Variants in FRAS1 observed in about 807,000 individuals in gnomAD.
FRAS1 encodes the protein Fraser extracellular matrix complex subunit 1.
FRAS1 carries 290 observed loss-of-function variants against 435.2 expected under a neutral mutation model. The observed-to-expected ratio is 0.67, with a 90% CI of 0.61 to 0.73. FRAS1 has a LOEUF of 0.73. Among genes scored for constraint, FRAS1 ranks in the 30% least tolerant of loss-of-function variants. The probability of loss-of-function intolerance (pLI) is 0.00; values close to 1 mark genes in which losing one functional copy is unlikely to be tolerated. For missense variants in FRAS1, 4,860 were observed against 5,001.5 expected (o/e 0.97, Z 0.85); for synonymous variants, 1,800 against 1,851.0 (o/e 0.97, Z 0.71).
At chr4:78,099,667 C>G (rs377553723) in intron 2 of FRAS1, among the ~76,000 whole-genome samples, 4 of 152,154 alleles carry the variant, frequency 2.6e-5, no homozygotes, top group African/African-American at 4.8e-5. Flanking sequence ...AGGTCACATA[C>G]AGTGAGAACA....
chr4:78,224,551 G>C (rs1724190619), intron 2 of FRAS1, among the ~76,000 whole-genome samples: 1 of 151,952 alleles, frequency 6.6e-6, no homozygotes, highest in African/African-American at 2.4e-5. Context: ...TTTGTTTTTT[G>C]AGGCAGAGTC....
intron 9 of FRAS1, among the ~76,000 whole-genome samples, chr4:78,277,148 G>A (rs1727086171): frequency 6.6e-6 from 1 of 152,196 alleles, no homozygotes; most frequent in South Asian, 2.1e-4. Context: ...TGTGCCATTT[G>A]CTAAGACCAT....
chr4:78,101,341 T>C (rs1742119913), intron 2 of FRAS1, among the ~76,000 whole-genome samples: 1 of 152,226 alleles, frequency 6.6e-6, no homozygotes, highest in African/African-American at 2.4e-5. Context: ...TGTTTTTCTT[T>C]ATTTTTTTCA....
chr4:78,506,666 C>G (rs957057855), intron 61 of FRAS1, among the ~76,000 whole-genome samples: 2 of 152,146 alleles, frequency 1.3e-5, no homozygotes, highest in African/African-American at 4.8e-5. Flanking sequence ...CACGGCTTCC[C>G]TTGGCTAGGA....
At chr4:78,346,538 A>G (rs964896554) in intron 20 of FRAS1, among the ~76,000 whole-genome samples, 1 of 152,136 alleles carries the variant, frequency 6.6e-6, no homozygotes, top group Admixed American at 6.5e-5. Flanking sequence ...TCTAGTTTCC[A>G]TAAGACCCTC....
intron 22 of FRAS1, among the ~76,000 whole-genome samples, chr4:78,366,162 T>G (rs1731260014): frequency 1.3e-5 from 2 of 152,138 alleles, no homozygotes. Flanking sequence ...ATAGGAATCT[T>G]TCGAGAGGAT....
intron 14 of FRAS1, among the ~76,000 whole-genome samples, chr4:78,307,637 C>A (rs1251984470): frequency 6.6e-6 from 1 of 152,266 alleles, no homozygotes; most frequent in African/African-American, 2.4e-5. Flanking sequence ...GTCTGTCACC[C>A]CTGTCTTTCA....
chr4:78,430,267 CCA>C, intron 36 of FRAS1, 23 bp from the exon 37 acceptor site: 1 of 1,613,586 alleles, frequency 6.2e-7, no homozygotes, highest in Non-Finnish European at 8.5e-7. Context: ...TTCTCTCTCA[CCA>C]CGCTTCCTTC....
intron 20 of FRAS1, among the ~76,000 whole-genome samples, chr4:78,341,843 C>T (rs1007163660): frequency 6.6e-6 from 1 of 152,142 alleles, no homozygotes; most frequent in Non-Finnish European, 1.5e-5. Context: ...CCCAGAGTGT[C>T]TCTCCAGCAG....
chr4:78,327,614 A>G (rs1729771666), intron 18 of FRAS1, among the ~76,000 whole-genome samples: 1 of 152,232 alleles, frequency 6.6e-6, no homozygotes, highest in Non-Finnish European at 1.5e-5. Context: ...ATGCTTTTTC[A>G]GAAATATATG....
intron 44 of FRAS1, among the ~76,000 whole-genome samples, chr4:78,449,307 A>C (rs1416291433): frequency 1.3e-5 from 2 of 152,024 alleles, no homozygotes; most frequent in African/African-American, 2.4e-5. Context: ...GAGCTTGGGG[A>C]ATTCTCCATG....
chr4:78,128,763 A>G (rs1318583347), intron 2 of FRAS1, among the ~76,000 whole-genome samples: 11 of 151,972 alleles, frequency 7.2e-5, no homozygotes. Context: ...GTTTAATGAG[A>G]TCCCATTTGT....
At chr4:78,456,301 C>T (rs976686920) in intron 47 of FRAS1, among the ~76,000 whole-genome samples, 1 of 152,008 alleles carries the variant, frequency 6.6e-6, no homozygotes, top group African/African-American at 2.4e-5. Flanking sequence ...CACCCCCACA[C>T]CTGGCTCAAT....
chr4:78,238,907 A>G (rs576097104), intron 3 of FRAS1, among the ~76,000 whole-genome samples: 76 of 152,224 alleles, frequency 5.0e-4, no homozygotes, highest in Non-Finnish European at 9.3e-4. Flanking sequence ...TGTGCAGCTT[A>G]TGATCTAAGA....
chr4:78,120,458 A>T (rs979022500), intron 2 of FRAS1, among the ~76,000 whole-genome samples: 2 of 152,212 alleles, frequency 1.3e-5, no homozygotes, highest in Non-Finnish European at 2.9e-5. Flanking sequence ...GCTCTAGCAA[A>T]TCTCTGTCAG....
intron 19 of FRAS1, among the ~76,000 whole-genome samples, chr4:78,335,205 A>G (rs1172556170): frequency 6.6e-6 from 1 of 152,172 alleles, no homozygotes; most frequent in Non-Finnish European, 1.5e-5. Context: ...GTGGCTTAAG[A>G]CAACAATTGT....
At chr4:78,093,792 C>G (rs942505799) in intron 2 of FRAS1, among the ~76,000 whole-genome samples, 2 of 152,150 alleles carry the variant, frequency 1.3e-5, no homozygotes, top group African/African-American at 4.8e-5. Flanking sequence ...CCCTGAGGAC[C>G]AATTTAAGTG....
At chr4:78,484,928 T>C (rs1483894605) in intron 58 of FRAS1, among the ~76,000 whole-genome samples, 2 of 152,248 alleles carry the variant, frequency 1.3e-5, no homozygotes. Flanking sequence ...CAATTTTATT[T>C]CTTAGTAAAG....
intron 67 of FRAS1, 132 bp downstream of exon 67, chr4:78,519,613 C>T (rs1721326177): frequency 1.0e-6 from 1 of 999,708 alleles, no homozygotes; most frequent in African/African-American, 1.6e-5. Flanking sequence ...GGGGCCACCT[C>T]AAAGTGCAGA....
Sources: gnomAD v4.1 joint callset for allele counts (sites outside exome capture counted in the v4.1 genomes callset) on GRCh38, gnomAD v4.1.1 for gene constraint, MANE v1.5 for transcripts, NCBI Gene and HGNC (gene_info 2026-07-23, HGNC 2026-07-21) for gene names.